ARHGEF7: variants seen among roughly 807,000 people sequenced by gnomAD.
ARHGEF7 encodes Rho guanine nucleotide exchange factor 7.
ARHGEF7 carries 33 observed loss-of-function variants against 109.8 expected under a neutral mutation model. That is an observed-to-expected ratio of 0.30 (90% CI 0.23 to 0.40). ARHGEF7 has a LOEUF of 0.40. ARHGEF7 is among the 10% of genes least tolerant of loss of function. The pLI is 1.00. For synonymous variants in ARHGEF7, 458 were observed against 424.6 expected (o/e 1.08, Z -0.97); for missense variants, 938 against 1,098.5 (o/e 0.85, Z 2.07).
Position 111,139,627 on chromosome 13 carries a change from C to G in ARHGEF7, c.166-14278C>G, listed in dbSNP as rs569441769. 3.9e-4 allele frequency among the ~76,000 whole-genome samples: 59 copies of G among 152,116 alleles called. No individual in the cohort carries two copies. The East Asian group carries it at 1.0e-2, about 26-fold the overall frequency. On this transcript the variant is annotated intron_variant, in intron 1 of 21. Coordinates refer to ENST00000646102, the MANE Select transcript of ARHGEF7 (RefSeq NM_001354046.2). ...CACTGGCGGGTGCCTGCGTGGAGCA[C>G]TGGCGGCAGACAGGGGCCTGATGTG...
intron 5 of ARHGEF7, among the ~76,000 whole-genome samples, chr13:111,232,730 G>A (rs1007831628): frequency 3.3e-5 from 5 of 152,122 alleles, no homozygotes; most frequent in Non-Finnish European, 4.4e-5. Context: ...TGTCTCCTGT[G>A]AGTGATGGTT....
At chr13:111,153,024 T>G (rs569482011) in intron 1 of ARHGEF7, among the ~76,000 whole-genome samples, 1 of 152,394 alleles carries the variant, frequency 6.6e-6, no homozygotes, top group Non-Finnish European at 1.5e-5. Context: ...GCTGACTTAC[T>G]GGTTTTCATG....
intron 1 of ARHGEF7, among the ~76,000 whole-genome samples, chr13:111,120,522 CACAG>C (rs913771944): frequency 1.6e-4 from 24 of 152,242 alleles, no homozygotes; most frequent in African/African-American, 5.8e-4. Flanking sequence ...CACACGCACA[CACAG>C]ACACGTCTGA....
At chr13:111,175,368 G>A (rs1175096878) in intron 2 of ARHGEF7, among the ~76,000 whole-genome samples, 1 of 152,224 alleles carries the variant, frequency 6.6e-6, no homozygotes, top group Non-Finnish European at 1.5e-5. Flanking sequence ...TGAGGGAATG[G>A]GAGAGGGTGA....
chr13:111,140,939 A>G (rs1045715240), intron 1 of ARHGEF7, among the ~76,000 whole-genome samples: 7 of 152,166 alleles, frequency 4.6e-5, no homozygotes, highest in African/African-American at 9.7e-5. Flanking sequence ...TTGGCCTCCC[A>G]AAATGTTGGG....
At chr13:111,288,117 GTT>G (rs1485523757) in intron 17 of ARHGEF7, among the ~76,000 whole-genome samples, 1 of 152,156 alleles carries the variant, frequency 6.6e-6, no homozygotes, top group Non-Finnish European at 1.5e-5. Context: ...TCATTATAAA[GTT>G]AGGATGTTCG....
At chr13:111,153,380 C>A (rs548771262) in intron 1 of ARHGEF7, among the ~76,000 whole-genome samples, 1 of 152,042 alleles carries the variant, frequency 6.6e-6, no homozygotes, top group African/African-American at 2.4e-5. Context: ...GGACCTGGAG[C>A]AGGGAGGAGG....
intron 2 of ARHGEF7, chr13:111,187,010 A>G (rs1594454253): frequency 1.0e-6 from 1 of 985,720 alleles, no homozygotes; most frequent in Non-Finnish European, 1.2e-6. Context: ...GACGGGGTTG[A>G]TTAAGGTTGC....
intron 1 of ARHGEF7, among the ~76,000 whole-genome samples, chr13:111,149,716 G>A (rs7983939): frequency 0.013 from 1,913 of 152,236 alleles, 45 homozygotes; most frequent in African/African-American, 0.044. Flanking sequence ...TCCTATGACT[G>A]TACTAGTTTA....
rs570868701 is a variant in ARHGEF7 at position 111,127,112 on chromosome 13, T to C, written c.165+11421T>C. Among the ~76,000 whole-genome samples, 311 of 152,294 alleles carry C rather than the reference T, an allele frequency of 2.0e-3. 2 individuals are homozygous for C. Among genetic ancestry groups the C allele is most frequent in the African/African-American group, 7.2e-3 (298 of 41,562 alleles). ...CACAGATCTTACAGATATCGAAAGA[T>C]AATAAGTGGATATGAAAACATTGTT... On this transcript the variant is annotated intron_variant, in intron 1 of 21. Coordinates refer to ENST00000646102, the MANE Select transcript of ARHGEF7 (RefSeq NM_001354046.2).
rs182869435 is a variant in ARHGEF7 at position 111,131,172 on chromosome 13, C to T, written c.165+15481C>T. ...TGTGAAGATGGTTATGAAACTCCCA[C>T]GGTTGCCCATGGAGAGCTGTGGGAG... On this transcript the variant is annotated intron_variant, in intron 1 of 21. Transcript: ENST00000646102. The surrounding 1 kb of genome is among the most constrained non-coding windows in gnomAD (Gnocchi z 4.4). 2.2e-4 allele frequency among the ~76,000 whole-genome samples: 33 copies of T among 152,292 alleles called. No individual in the cohort carries two copies. In the East Asian group the frequency reaches 5.4e-3, roughly 25 times the overall value.
chr13:111,181,805 C>T (rs550245617), intron 2 of ARHGEF7, among the ~76,000 whole-genome samples: 1 of 152,124 alleles, frequency 6.6e-6, no homozygotes, highest in East Asian at 1.9e-4. Flanking sequence ...AAGAAACATT[C>T]CAGGTGGAAA....
In ARHGEF7 at chr13:111,139,640, G is replaced by A. The variant is rs192380003; in HGVS notation, c.166-14265G>A. ...CTGCGTGGAGCACTGGCGGCAGACAGGGGCCTGATGTGGGCTGCAGGAGCA... is the reference window on the plus strand; with the variant it reads ...CTGCGTGGAGCACTGGCGGCAGACAAGGGCCTGATGTGGGCTGCAGGAGCA... On this transcript the variant is annotated intron_variant, in intron 1 of 21. Transcript: ENST00000646102. Among the ~76,000 whole-genome samples the A allele has an allele frequency of 1.1e-3, 168 of 152,324 alleles. 1 individual carries two copies. Among genetic ancestry groups the A allele is most frequent in the African/African-American group, 3.8e-3 (159 of 41,572 alleles).
chr13:111,153,585 A>T, intron 1 of ARHGEF7: 1 of 1,098,892 alleles, frequency 9.1e-7, no homozygotes, highest in Non-Finnish European at 1.1e-6. Flanking sequence ...CGCGGGGGCG[A>T]ACACCCGACG....
chr13:111,188,871 C>G (rs772104948), intron 2 of ARHGEF7, among the ~76,000 whole-genome samples: 4 of 152,212 alleles, frequency 2.6e-5, no homozygotes, highest in Non-Finnish European at 5.9e-5. Context: ...TCCTCTCCTT[C>G]AGGAATAAGT....
chr13:111,269,643 G>C (rs950405982), intron 9 of ARHGEF7, among the ~76,000 whole-genome samples: 2 of 152,176 alleles, frequency 1.3e-5, no homozygotes, highest in Non-Finnish European at 2.9e-5. Context: ...CAGCCCCGGG[G>C]CAAGTCACCA....
chr13:111,154,688 G>T (rs1448057986), intron 2 of ARHGEF7, among the ~76,000 whole-genome samples: 1 of 152,130 alleles, frequency 6.6e-6, no homozygotes, highest in Non-Finnish European at 1.5e-5. Context: ...TCTTTCAGTG[G>T]CAGTTTCTGG....
chr13:111,231,642 C>T (rs1365205749), intron 5 of ARHGEF7, among the ~76,000 whole-genome samples: 3 of 152,074 alleles, frequency 2.0e-5, no homozygotes, highest in African/African-American at 7.3e-5. Context: ...GGACCTGAAG[C>T]CTTAGAGTGT....
intron 2 of ARHGEF7, among the ~76,000 whole-genome samples, chr13:111,163,302 G>A (rs940625697): frequency 6.6e-6 from 1 of 152,126 alleles, no homozygotes; most frequent in African/African-American, 2.4e-5. Context: ...TCAAGAGATG[G>A]CCCTCTGTCT....
Sources: gnomAD v4.1 joint callset for allele counts (sites outside exome capture counted in the v4.1 genomes callset) on GRCh38, gnomAD v4.1.1 for gene constraint, Gnocchi (gnomAD v3.1) non-coding constraint, MANE v1.5 for transcripts, NCBI Gene and HGNC (gene_info 2026-07-23, HGNC 2026-07-21) for gene names.